ACY1: variants seen among roughly 807,000 people sequenced by gnomAD.
ACY1 encodes the protein aminoacylase-1.
A neutral mutation model predicts 53.3 loss-of-function variants in ACY1; 38 were observed. The ratio of observed to expected loss-of-function variants is 0.71; its 90% CI spans 0.55 to 0.93. ACY1 has a LOEUF of 0.93. ACY1 is among the 40% of genes least tolerant of loss of function. ACY1 has a pLI of 0.00. For synonymous variants in ACY1, 177 were observed against 202.1 expected, an observed-to-expected ratio of 0.88 and a Z score of 1.05; for missense variants, 484 against 540.9, an observed-to-expected ratio of 0.89 and a Z score of 1.04.
intron 2 of ACY1, chr3:51,984,638 G>C (rs1700993834): frequency 3.6e-6 from 1 of 279,616 alleles, no homozygotes; most frequent in African/African-American, 2.2e-5. Context: ...AACATGGCAA[G>C]ACTCTGTCTC....
rs746844770 is a variant in ACY1, at chr3:51,988,518, C to T, written c.922-6C>T. The T allele has an allele frequency of 6.2e-7, 1 of 1,613,786 alleles. No individual in the cohort carries two copies. The highest frequency in any genetic ancestry group is 1.1e-5 in the South Asian group (1 of 91,070). On this transcript the variant is annotated splice_region_variant and splice_polypyrimidine_tract_variant and intron_variant, in intron 12 of 14. Transcript: ENST00000636358. ...TCCTGATCCTGCCATTCTTCCTGTC[C>T]CTCAGAAGTGGATGCACCCCCAAGT...
In ACY1 at chr3:51,987,292, C is replaced by T. The variant is rs200262033; in HGVS notation, c.708-17C>T. 170 of 1,614,118 alleles carry T rather than the reference C, an allele frequency of 1.1e-4. 2 individuals are homozygous for T. The African/African-American group carries it at 2.1e-3, about 20-fold the overall frequency. Reference sequence around the variant, plus strand: ...TCTTTTATCTGTTGCTGCCGCTACCCTGCCCCCACACCACAGGCTGCAGTC... The same window carrying T: ...TCTTTTATCTGTTGCTGCCGCTACCTTGCCCCCACACCACAGGCTGCAGTC... On this transcript the variant is annotated splice_polypyrimidine_tract_variant and intron_variant, in intron 10 of 14. Transcript: ENST00000636358.
In ACY1 at chr3:51,987,076, A is replaced by G. The variant is rs323894; in HGVS notation, c.657+15A>G. The stretch of plus-strand genomic sequence containing the variant: ...CAGAGAAGCTGGTACGTGGCACCCC[A>G]GGAGGGAGTCTGGGAGTTCAGGAGG... On this transcript the variant is annotated intron_variant, in intron 9 of 14. Coordinates refer to ENST00000636358, the MANE Select transcript of ACY1 (RefSeq NM_000666.3). 46,445 of 1,613,974 alleles carry G rather than the reference A, an allele frequency of 0.029. 3,298 individuals are homozygous for G. The highest frequency in any genetic ancestry group is 0.27 in the African/African-American group (19,877 of 74,970).
In ACY1 at chr3:51,986,114, A is replaced by G. The variant is rs1443908146; in HGVS notation, c.360-141A>G. The G allele has an allele frequency of 5.6e-6, 6 of 1,077,944 alleles. 1 individual carries two copies. The highest frequency in any genetic ancestry group is 2.0e-5 in the Admixed American group (1 of 50,356). The allele number at this position is 1,077,944 out of a possible 1,614,324, so 66.8% of individuals were successfully genotyped here. ...ATGGATAGGGAGATTCAGACCAGAG[A>G]GGGGCAGGGACTTTCTGGAGTCCCT... On this transcript the variant is annotated intron_variant, in intron 5 of 14. Transcript: ENST00000636358.
chr3:51,984,252 C>A, intron 2 of ACY1, 94 bp downstream of exon 2: 1 of 1,191,048 alleles, frequency 8.4e-7, no homozygotes, highest in South Asian at 1.3e-5. Context: ...CCAGCTGAGC[C>A]CCACTCTGCT....
Position 51,985,894 on chromosome 3 carries a change from G to C in ACY1, c.307G>C (p.Glu103Gln), listed in dbSNP as rs201048015. The change falls in exon 5 of 15, where the codon GAG becomes CAG. Residue 103 changes from glutamate to glutamine, a missense_variant. Physicochemically the swap from Glu to Gln is conservative, Grantham distance 29. Transcript: ENST00000636358. Reference sequence around the variant, plus strand: ...CCCCTTTGAGGCCTTCAAGGATTCTGAGGGCTACATCTATGCCAGGGGTGC... The same window carrying C: ...CCCCTTTGAGGCCTTCAAGGATTCTCAGGGCTACATCTATGCCAGGGGTGC... Reference protein sequence around the residue: ...HDPFEAFKDSEGYIYARGAQD... With the variant: ...HDPFEAFKDSQGYIYARGAQD... 3 of 1,613,730 alleles carry C rather than the reference G, an allele frequency of 1.9e-6. No homozygotes were observed. The Admixed American group carries it at 5.0e-5, about 27-fold the overall frequency.
chr3:51,985,313 G>A, intron 3 of ACY1, 42 bp downstream of exon 3: 6 of 1,613,576 alleles, frequency 3.7e-6, no homozygotes, highest in Non-Finnish European at 5.1e-6. Flanking sequence ...GTGGGCCTGG[G>A]CACTTCCTCA....
chr3:51,988,947 C>T lies in ACY1; in HGVS notation c.1099C>T (p.Arg367Cys), dbSNP rs201696615. 8.7e-6 allele frequency: 14 copies of T among 1,614,088 alleles called. No individual in the cohort carries two copies. The African/African-American group carries it at 1.1e-4, about 12-fold the overall frequency. Residue 367 changes from arginine to cysteine, a missense_variant, in exon 15 of 15, where the codon CGC becomes TGC. Arg to Cys is a radical substitution (Grantham distance 180, BLOSUM62 -3). Transcript: ENST00000636358. ...VPALGFSPMN[R>C]TPVLLHDHDE... ...AGCTCTAGGCTTCTCACCCATGAAC[C>T]GCACACCTGTGCTGCTGCACGACCA...
At chr3:51,988,136 G>C in intron 12 of ACY1, 1 of 354,598 alleles carries the variant, frequency 2.8e-6, no homozygotes, top group South Asian at 2.5e-5. Flanking sequence ...AAAATGCTGG[G>C]ATTACAGGCA....
Position 51,987,429 on chromosome 3 carries a change from T to C in ACY1, c.828T>C (p.Arg276=). The stretch of plus-strand genomic sequence containing the variant: ...CCATGAGCGCCAGCTTTGACTTCCG[T>C]GTGGCACCGGATGTGGACTTCAAGG... ...PATMSASFDF[R]VAPDVDFKAF... The change falls in exon 11 of 15, where the codon CGT becomes CGC. Residue 276 remains arginine, a synonymous_variant. Coordinates refer to ENST00000636358, the MANE Select transcript of ACY1 (RefSeq NM_000666.3). 6.2e-7 allele frequency: 1 copy of C among 1,614,192 alleles called. No homozygotes were observed. The highest frequency in any genetic ancestry group is 8.5e-7 in the Non-Finnish European group (1 of 1,180,024).
rs1577733591 is a variant in ACY1 at position 51,988,987 on chromosome 3, A to G, written c.1139A>G (p.His380Arg). The G allele has an allele frequency of 2.5e-6, 4 of 1,614,164 alleles. No homozygotes were observed. Among genetic ancestry groups the G allele is most frequent in the African/African-American group, 1.3e-5 (1 of 75,028 alleles). ...CTGCACGACCACGATGAACGGCTGCATGAGGCTGTGTTCCTCCGTGGGGTG... is the reference window on the plus strand; with the variant it reads ...CTGCACGACCACGATGAACGGCTGCGTGAGGCTGTGTTCCTCCGTGGGGTG... ...VLLHDHDERLHEAVFLRGVDI... is the reference protein window; with the variant it reads ...VLLHDHDERLREAVFLRGVDI... The change falls in exon 15 of 15, where the codon CAT becomes CGT. Residue 380 changes from histidine to arginine, a missense_variant. Coordinates refer to ENST00000636358, the MANE Select transcript of ACY1 (RefSeq NM_000666.3).
At chr3:51,984,618 T>C (rs1577723973) in intron 2 of ACY1, 1 of 293,154 alleles carries the variant, frequency 3.4e-6, no homozygotes, top group East Asian at 8.8e-5. Flanking sequence ...AGTTCAAGAC[T>C]AGCTTGAGCA....
At chr3:51,986,953 G>A (rs1701084078) in intron 8 of ACY1, 35 bp from the exon 9 acceptor site, 2 of 1,607,224 alleles carry the variant, frequency 1.2e-6, no homozygotes, top group African/African-American at 2.7e-5. Context: ...AGCCCCTCAG[G>A]CTGAAGACAC....
intron 5 of ACY1, 43 bp from the exon 6 acceptor site, chr3:51,986,212 C>T (rs758637967): frequency 1.5e-5 from 24 of 1,599,278 alleles, no homozygotes; most frequent in East Asian, 1.3e-4. Flanking sequence ...GGCCAGCCTG[C>T]GCATCTGGTG....
intron 2 of ACY1, 132 bp downstream of exon 2, chr3:51,984,290 G>A: frequency 2.5e-6 from 2 of 796,970 alleles, no homozygotes; most frequent in East Asian, 2.7e-5. Flanking sequence ...AACCCCTCCA[G>A]CCATTCCCCA....
intron 8 of ACY1, 21 bp downstream of exon 8, chr3:51,986,682 A>T: frequency 6.2e-7 from 1 of 1,613,054 alleles, no homozygotes; most frequent in Non-Finnish European, 8.5e-7. Flanking sequence ...GCTTGGAGGG[A>T]GGGCTCACTC....
In ACY1 at chr3:51,985,838, A is replaced by T. The variant is rs1224386419; in HGVS notation, c.265-14A>T. ...ATTTGGGGTTTGGGCCCCTCTTCCCATCCCTGCCCCCAGGAACATTGGAGT... is the reference window on the plus strand; with the variant it reads ...ATTTGGGGTTTGGGCCCCTCTTCCCTTCCCTGCCCCCAGGAACATTGGAGT... On this transcript the variant is annotated splice_polypyrimidine_tract_variant and intron_variant, in intron 4 of 14. Transcript: ENST00000636358. 1 of 1,611,236 alleles carries T rather than the reference A, an allele frequency of 6.2e-7. No individual in the cohort carries two copies. The highest frequency in any genetic ancestry group is 1.7e-5 in the Admixed American group (1 of 59,746).
chr3:51,984,832 AAG>A, intron 2 of ACY1: 4 of 280,616 alleles, frequency 1.4e-5, no homozygotes, highest in East Asian at 9.7e-5. Flanking sequence ...AAAAAAAAAA[AAG>A]GAAAAGAAAA....
chr3:51,986,941 C>G, intron 8 of ACY1, 47 bp from the exon 9 acceptor site: 2 of 1,589,606 alleles, frequency 1.3e-6, no homozygotes, highest in Non-Finnish European at 1.7e-6. Context: ...GATTGTGTCT[C>G]CAGCCCCTCA....
Sources: gnomAD v4.1 joint callset for allele counts on GRCh38, gnomAD v4.1.1 for gene constraint, MANE v1.5 for transcripts, NCBI Gene and HGNC (gene_info 2026-07-23, HGNC 2026-07-21) for gene names.